PSD4: variants seen among roughly 807,000 people sequenced by gnomAD.
The protein encoded by PSD4 is pleckstrin and Sec7 domain containing 4.
Under a neutral mutation model 112.5 loss-of-function variants are expected in PSD4, and 59 were observed. The ratio of observed to expected loss-of-function variants is 0.52; its 90% CI spans 0.43 to 0.65. The LOEUF (loss-of-function observed/expected upper bound fraction) is 0.65. PSD4 is among the 30% of genes least tolerant of loss of function. The probability of loss-of-function intolerance (pLI) is 0.00; values close to 1 mark genes in which losing one functional copy is unlikely to be tolerated. For synonymous variants in PSD4, 533 were observed against 540.0 expected (o/e 0.99, Z 0.18); for missense variants, 1,267 against 1,352.6 (o/e 0.94, Z 0.99).
chr2:113,191,903 G>T (rs936825840), intron 5 of PSD4, among the ~76,000 whole-genome samples: 1 of 152,138 alleles, frequency 6.6e-6, no homozygotes, highest in Non-Finnish European at 1.5e-5. Context: ...GCCATTACTA[G>T]AGCCCACCTA....
At chr2:113,199,260 C>A in intron 16 of PSD4, 34 bp downstream of exon 16, 1 of 1,426,260 alleles carries the variant, frequency 7.0e-7, no homozygotes, top group Non-Finnish European at 9.1e-7. Flanking sequence ...CGCCGCTGCG[C>A]AGCGCCCTCT....
At position 113,186,112 on chromosome 2, in the gene PSD4, G is replaced by C. The variant is rs113166680; in HGVS notation, c.1485G>C (p.Thr495=). 1.9e-6 allele frequency: 3 copies of C among 1,614,118 alleles called. No individual in the cohort carries two copies. The highest frequency in any genetic ancestry group is 2.5e-6 in the Non-Finnish European group (3 of 1,180,050). Residue 495 remains threonine, a synonymous_variant, in exon 5 of 17, where the codon ACG becomes ACC. Transcript: ENST00000245796. ...CTTCACAGTCTTCACTCTTGGAGAC[G>C]GATGGGGAACAGCCAAGTTCCTTGA... ...LDASQSSLLE[T]DGEQPSSLKK...
chr2:113,195,536 GAT>G (rs1248993071), intron 10 of PSD4, among the ~76,000 whole-genome samples, 189 bp from the exon 11 acceptor site: 1 of 51,084 alleles, frequency 2.0e-5, no homozygotes, highest in East Asian at 1.6e-3. Flanking sequence ...TTGTTGCACG[GAT>G]GGATGGATGG....
intron 2 of PSD4, among the ~76,000 whole-genome samples, chr2:113,184,355 A>T (rs1688231891): frequency 6.8e-6 from 1 of 147,164 alleles, no homozygotes; most frequent in Admixed American, 6.8e-5. Context: ...GTGCCTGTGG[A>T]GGTCCATTTT....
In PSD4 at chr2:113,186,180, T is replaced by C. The variant is rs139727297; in HGVS notation, c.1553T>C (p.Val518Ala). The part of the protein sequence containing the change: ...AGEAPKPGEE[V>A]KSEGTARPAE... ...GAGGCCCCAAAACCAGGCGAGGAAG[T>C]AAAGAGTGAAGGAACAGCCAGGCCT... is the stretch of plus-strand genomic sequence containing the variant. The change falls in exon 5 of 17, where the codon GTA (valine) becomes GCA (alanine). Residue 518 changes from valine (V) to alanine (A), a missense_variant. Physicochemically the swap from Val to Ala is moderately conservative, Grantham distance 64 (BLOSUM62 0). This residue lies in a region of PSD4 where 723 missense variants were observed against 704.0 expected (regional missense o/e 1.03). Transcript: ENST00000245796. 253 of 1,613,862 alleles carry C rather than the reference T, an allele frequency of 1.6e-4. No individual in the cohort carries two copies. In the African/African-American group the frequency reaches 2.0e-3, roughly 13 times the overall value.
chr2:113,203,407 A>AGCATC lies in PSD4; in HGVS notation c.*1992_*1993insGCATC, dbSNP rs1392629735. ...AGCTCCTTGGGTAATTCTGATGTGT[A>AGCATC]AGTAGCAGTTAGCTGCAGTAGAGTC... On this transcript the variant is annotated 3_prime_UTR_variant, in exon 17 of 17. Transcript: ENST00000245796. 2.0e-5 allele frequency: 3 copies of AGCATC among 152,194 alleles called. No individual in the cohort carries two copies. Among genetic ancestry groups the AGCATC allele is most frequent in the Non-Finnish European group, 4.4e-5 (3 of 68,052 alleles). The allele number at this position is 152,194 out of a possible 1,614,324, so 9.4% of individuals were successfully genotyped here.
chr2:113,207,623 A>C lies in PSD4; in HGVS notation c.*6208A>C, dbSNP rs7560180. 6.6e-6 allele frequency: 1 copy of C among 150,784 alleles called. No individual in the cohort carries two copies. 9.3% of individuals were successfully genotyped at this position (150,784 alleles called of 1,614,324 possible). Reference sequence around the variant, plus strand: ...AGGCGCCCGCTACCATGCCCGGCTAATTTTTTTGTATTTTTAGTAGAGACG... The same window carrying C: ...AGGCGCCCGCTACCATGCCCGGCTACTTTTTTTGTATTTTTAGTAGAGACG... On this transcript the variant is annotated 3_prime_UTR_variant, in exon 17 of 17. Coordinates refer to ENST00000245796, the MANE Select transcript of PSD4 (RefSeq NM_012455.3).
In PSD4 at chr2:113,209,058, G is replaced by A. The variant is rs1035303278; in HGVS notation, c.*7643G>A. The A allele has an allele frequency of 6.6e-6, 1 of 152,158 alleles. No homozygotes were observed. Among genetic ancestry groups the A allele is most frequent in the African/African-American group, 2.4e-5 (1 of 41,426 alleles). The allele number at this position is 152,158 out of a possible 1,614,324, so 9.4% of individuals were successfully genotyped here. ...ATCCACGCTAGTCTCTTTCATCTGG[G>A]CCGAGGTGGGTAATTTTCCTTAGAG... On this transcript the variant is annotated 3_prime_UTR_variant, in exon 17 of 17. Transcript: ENST00000245796.
At position 113,197,779 on chromosome 2, in the gene PSD4, C is replaced by A; in HGVS notation, c.2490C>A (p.Ser830Arg). The change falls in exon 14 of 17, where the codon AGC becomes AGA. Residue 830 changes from serine to arginine, a missense_variant. Ser to Arg is a moderately radical substitution (Grantham distance 110). Around this residue, in one of 2 missense-constraint regions of PSD4, gnomAD observed 544 missense variants for 648.6 expected, o/e 0.84. Coordinates refer to ENST00000245796, the MANE Select transcript of PSD4 (RefSeq NM_012455.3). Reference sequence around the variant, plus strand: ...AAGACCACTGTCTGGAGGGGGAGAGCTTGGTGGGGCAGATGGTGGATGAGC... The same window carrying A: ...AAGACCACTGTCTGGAGGGGGAGAGATTGGTGGGGCAGATGGTGGATGAGC... ...QGEDHCLEGESLVGQMVDEPV... is the reference protein window; with the variant it reads ...QGEDHCLEGERLVGQMVDEPV... 6.2e-7 allele frequency: 1 copy of A among 1,610,684 alleles called. No individual in the cohort carries two copies. The highest frequency in any genetic ancestry group is 8.5e-7 in the Non-Finnish European group (1 of 1,177,330).
intron 14 of PSD4, 173 bp from the exon 15 acceptor site, chr2:113,198,567 A>G (rs1558657890): frequency 5.6e-6 from 4 of 710,542 alleles, no homozygotes; most frequent in Admixed American, 3.7e-5. Flanking sequence ...CTCTTTATTG[A>G]TAAGAAATGC....
intron 1 of PSD4, among the ~76,000 whole-genome samples, chr2:113,174,255 G>T (rs1013294896): frequency 1.3e-5 from 2 of 151,884 alleles, no homozygotes; most frequent in African/African-American, 4.8e-5. Flanking sequence ...TCTGTGTCCC[G>T]TCCCCCTCCT....
At position 113,185,005 on chromosome 2, in the gene PSD4, G is replaced by T. The variant is rs1196045202; in HGVS notation, c.1105G>T (p.Ala369Ser). The change falls in exon 3 of 17, where the codon GCA becomes TCA. Residue 369 changes from alanine to serine, a missense_variant. Transcript: ENST00000245796. ...APSAAPCVDE[A>S]LTWESGCVGS... ...ATCTGCAGCACCGTGTGTGGACGAA[G>T]CATTGACCTGGGAATCAGGATGTGT... The T allele has an allele frequency of 2.5e-6, 4 of 1,614,248 alleles. No individual in the cohort carries two copies. In the South Asian group the frequency reaches 4.4e-5, roughly 18 times the overall value.
At position 113,185,208 on chromosome 2, in the gene PSD4, G is replaced by A. The variant is rs1688260514; in HGVS notation, c.1173+135G>A. ...CACATCAGGACTCCCCTTCTGAACT[G>A]AGGCTCCAGCCTGGGTGGGAGGAGG... On this transcript the variant is annotated intron_variant, in intron 3 of 16. Transcript: ENST00000245796. The A allele has an allele frequency of 3.9e-6, 6 of 1,555,944 alleles. No individual in the cohort carries two copies. In the South Asian group the frequency reaches 6.1e-5, roughly 16 times the overall value.
Position 113,192,327 on chromosome 2 carries a change from A to T in PSD4, c.1629-53A>T, listed in dbSNP as rs1688464900. ...GCGCTGAGCTCGGGGAACTCTTGCC[A>T]CAACTGACCTGCAAGAACACTTGAC... On this transcript the variant is annotated intron_variant, in intron 5 of 16. Transcript: ENST00000245796. 3.8e-6 allele frequency: 6 copies of T among 1,568,766 alleles called. No homozygotes were observed. The South Asian group carries it at 4.4e-5, about 12-fold the overall frequency.
Position 113,186,773 on chromosome 2 carries a change from G to A in PSD4, c.1628+518G>A, listed in dbSNP as rs1398476935. On this transcript the variant is annotated intron_variant, in intron 5 of 16. Transcript: ENST00000245796. ...TGGGGACCAAGGGAATGGATCTTGGGGCCCAACATAGGATTGTGTAACCCC... is the reference window on the plus strand; with the variant it reads ...TGGGGACCAAGGGAATGGATCTTGGAGCCCAACATAGGATTGTGTAACCCC... 2.6e-5 allele frequency among the ~76,000 whole-genome samples: 4 copies of A among 152,276 alleles called. No individual in the cohort carries two copies. The East Asian group carries it at 7.7e-4, about 29-fold the overall frequency.
Position 113,183,134 on chromosome 2 carries a change from G to A in PSD4, c.678G>A (p.Leu226=). 1 of 1,614,044 alleles carries A rather than the reference G, an allele frequency of 6.2e-7. No homozygotes were observed. The highest frequency in any genetic ancestry group is 8.5e-7 in the Non-Finnish European group (1 of 1,179,912). ...CTGAGGGAGAGGGCCAGGCATGGCT[G>A]AGAGAGGGAACCCCAGACTCTTCCC... ...SEPEGEGQAW[L]REGTPDSSPQ... is the part of the protein sequence containing the mutation. The change falls in exon 2 of 17, where the codon CTG becomes CTA. Residue 226 remains leucine, a synonymous_variant. Coordinates refer to ENST00000245796, the MANE Select transcript of PSD4 (RefSeq NM_012455.3).
In PSD4 at chr2:113,186,056, T is replaced by C. The variant is rs767450392; in HGVS notation, c.1429T>C (p.Ser477Pro). The C allele has an allele frequency of 6.2e-7, 1 of 1,614,058 alleles. No homozygotes were observed. Among genetic ancestry groups the C allele is most frequent in the East Asian group, 2.2e-5 (1 of 44,898 alleles). Residue 477 changes from serine to proline, a missense_variant, in exon 5 of 17, where the codon TCA becomes CCA. This residue lies in a region of PSD4 where 723 missense variants were observed against 704.0 expected (regional missense o/e 1.03). Transcript: ENST00000245796. ...CAGCCCGCAGCTTCAACACCACAGC[T>C]CAGGCATTTTGCCCAAGTGGACACT... Reference protein sequence around the residue: ...EGSPQLQHHSSGILPKWTLDA... With the variant: ...EGSPQLQHHSPGILPKWTLDA...
At position 113,193,588 on chromosome 2, in the gene PSD4, G is replaced by A. The variant is rs371847051; in HGVS notation, c.2033-4G>A. The A allele has an allele frequency of 8.1e-6, 13 of 1,612,610 alleles. No homozygotes were observed. Among genetic ancestry groups the A allele is most frequent in the African/African-American group, 1.3e-5 (1 of 74,892 alleles). ...TTCTCTCCACTTACCTATCTCTGGG[G>A]TAGATTCTGTACACACCTTGACATG... is the stretch of plus-strand genomic sequence containing the variant. On this transcript the variant is annotated splice_region_variant and splice_polypyrimidine_tract_variant and intron_variant, in intron 8 of 16. Coordinates refer to ENST00000245796, the MANE Select transcript of PSD4 (RefSeq NM_012455.3).
rs535109446 is a variant in PSD4 at position 113,182,871 on chromosome 2, C to T, written c.415C>T (p.His139Tyr). The T allele has an allele frequency of 3.3e-5, 53 of 1,614,022 alleles. No individual in the cohort carries two copies. Among genetic ancestry groups the T allele is most frequent in the Non-Finnish European group, 4.5e-5 (53 of 1,180,008 alleles). The change falls in exon 2 of 17, where the codon CAT becomes TAT. Residue 139 changes from histidine to tyrosine, a missense_variant. Transcript: ENST00000245796. ...TASPGSPVNS[H>Y]LPGSPKQNRS... ...ATCACCAGGGTCACCAGTGAACAGC[C>T]ATCTACCGGGGAGCCCAAAGCAGAA...
Sources: gnomAD v4.1 joint callset for allele counts (sites outside exome capture counted in the v4.1 genomes callset) on GRCh38, gnomAD v4.1.1 for gene constraint, gnomAD v4.1.1 regional missense constraint, MANE v1.5 for transcripts, NCBI Gene and HGNC (gene_info 2026-07-23, HGNC 2026-07-21) for gene names.